Variants in SND1 observed in about 807,000 individuals in gnomAD.
SND1 encodes the protein staphylococcal nuclease and tudor domain containing 1, also known as staphylococcal nuclease domain-containing protein 1.
SND1 carries 38 observed loss-of-function variants against 121.7 expected under a neutral mutation model. The observed-to-expected ratio is 0.31, with a 90% CI of 0.24 to 0.41. The LOEUF (loss-of-function observed/expected upper bound fraction) is 0.41. Among genes scored for constraint, SND1 ranks in the 10% least tolerant of loss-of-function variants. The pLI is 1.00. For synonymous variants in SND1, 401 were observed against 447.4 expected, an observed-to-expected ratio of 0.90 and a Z score of 1.31; for missense variants, 868 against 1,184.6, an observed-to-expected ratio of 0.73 and a Z score of 3.92.
At chr7:127,752,522 C>T (rs973594675) in intron 10 of SND1, among the ~76,000 whole-genome samples, 1 of 152,194 alleles carries the variant, frequency 6.6e-6, no homozygotes, top group Non-Finnish European at 1.5e-5. Flanking sequence ...TTAGGTAGTG[C>T]TCTGTTTCCT....
intron 1 of SND1, among the ~76,000 whole-genome samples, chr7:127,663,656 G>T (rs141821642): frequency 2.6e-5 from 4 of 152,174 alleles, no homozygotes; most frequent in Non-Finnish European, 5.9e-5. Context: ...GATTACAGGC[G>T]TGAGCCACCA....
At chr7:127,680,088 T>G (rs1795690383) in intron 1 of SND1, among the ~76,000 whole-genome samples, 1 of 152,150 alleles carries the variant, frequency 6.6e-6, no homozygotes, top group Non-Finnish European at 1.5e-5. Context: ...ACGTCACATG[T>G]CGGTAGGTTC....
In SND1 at chr7:128,085,979, C is replaced by G. The variant is rs1352556860; in HGVS notation, c.2304+199C>G. On this transcript the variant is annotated intron_variant, in intron 20 of 23. Coordinates refer to ENST00000354725, the MANE Select transcript of SND1 (RefSeq NM_014390.4). The surrounding 1 kb of genome is among the most constrained non-coding windows in gnomAD (Gnocchi z 4.4). ...GGTCTATGACCAGTGGCTGCAAGCACTGATAGGTCCCGCATCCAGACCCCA... is the reference window on the plus strand; with the variant it reads ...GGTCTATGACCAGTGGCTGCAAGCAGTGATAGGTCCCGCATCCAGACCCCA... Among the ~76,000 whole-genome samples the G allele has an allele frequency of 6.6e-6, 1 of 152,204 alleles. No homozygotes were observed. The highest frequency in any genetic ancestry group is 1.9e-4 in the East Asian group (1 of 5,200).
intron 10 of SND1, among the ~76,000 whole-genome samples, chr7:127,776,771 G>A (rs964442540): frequency 2.0e-5 from 3 of 152,142 alleles, no homozygotes; most frequent in Non-Finnish European, 4.4e-5. Context: ...ATAACCAAAG[G>A]TTCAAAGCCC....
chr7:128,007,036 A>G (rs1802996061), intron 16 of SND1, among the ~76,000 whole-genome samples: 1 of 150,540 alleles, frequency 6.6e-6, no homozygotes, highest in Admixed American at 6.6e-5. Context: ...TTTTGTTAGA[A>G]ACCCAGTGTT....
At chr7:127,984,158 T>G (rs1802330436) in intron 15 of SND1, among the ~76,000 whole-genome samples, 1 of 152,240 alleles carries the variant, frequency 6.6e-6, no homozygotes, top group Non-Finnish European at 1.5e-5. Flanking sequence ...GCCACATAAC[T>G]TTCCTAGAAT....
chr7:127,680,474 T>G (rs1213491520), intron 1 of SND1, among the ~76,000 whole-genome samples: 1 of 152,158 alleles, frequency 6.6e-6, no homozygotes. Context: ...GGGGCCATTT[T>G]AGATGCCCAC....
chr7:127,990,117 TTAA>T (rs1802487750), intron 15 of SND1, among the ~76,000 whole-genome samples: 1 of 152,160 alleles, frequency 6.6e-6, no homozygotes, highest in South Asian at 2.1e-4. Context: ...ACAGATAATA[TTAA>T]TAATAGGATA....
At chr7:127,946,241 A>C (rs1801327053) in intron 15 of SND1, among the ~76,000 whole-genome samples, 1 of 152,208 alleles carries the variant, frequency 6.6e-6, no homozygotes, top group South Asian at 2.1e-4. Context: ...AGCATGGCTA[A>C]GACATGTGAT....
intron 10 of SND1, among the ~76,000 whole-genome samples, chr7:127,798,010 G>A (rs1798057149): frequency 6.6e-6 from 1 of 152,076 alleles, no homozygotes. Context: ...ACTCTTAGTT[G>A]GCTAATGTAA....
Position 127,704,915 on chromosome 7 carries a change from G to T in SND1, c.917G>T (p.Arg306Leu), listed in dbSNP as rs771970940. Residue 306 changes from arginine (R) to leucine (L), a missense_variant, in exon 8 of 24, where the codon CGG becomes CTG. Physicochemically the swap from Arg to Leu is moderately radical, Grantham distance 102 (BLOSUM62 -2). Transcript: ENST00000354725. ...CVDWSIAVYT[R>L]GAEKLRAAER... Reference sequence around the variant, plus strand: ...GACTGGTCGATTGCAGTTTACACCCGGGGCGCAGAAAAGCTGAGGGCGGCA... The same window carrying T: ...GACTGGTCGATTGCAGTTTACACCCTGGGCGCAGAAAAGCTGAGGGCGGCA... 1 of 1,613,918 alleles carries T rather than the reference G, an allele frequency of 6.2e-7. No homozygotes were observed. The highest frequency in any genetic ancestry group is 8.5e-7 in the Non-Finnish European group (1 of 1,179,968).
At chr7:127,950,000 T>C (rs1327866565) in intron 15 of SND1, among the ~76,000 whole-genome samples, 1 of 152,236 alleles carries the variant, frequency 6.6e-6, no homozygotes, top group African/African-American at 2.4e-5. Flanking sequence ...ACTTCTTGAT[T>C]TGCCCTTTAG....
intron 11 of SND1, among the ~76,000 whole-genome samples, chr7:127,817,393 TTCTC>T (rs1409402991): frequency 6.6e-6 from 1 of 152,206 alleles, no homozygotes; most frequent in African/African-American, 2.4e-5. Context: ...CCTAACTTCT[TTCTC>T]TGCTTATAGA....
At chr7:127,730,812 A>G (rs1468945736) in intron 10 of SND1, among the ~76,000 whole-genome samples, 1 of 152,158 alleles carries the variant, frequency 6.6e-6, no homozygotes, top group Non-Finnish European at 1.5e-5. Flanking sequence ...TTTACTCATT[A>G]TTCATAGTTT....
intron 16 of SND1, among the ~76,000 whole-genome samples, chr7:128,065,814 C>T (rs970702140): frequency 3.9e-5 from 6 of 152,190 alleles, no homozygotes; most frequent in Admixed American, 2.0e-4. Flanking sequence ...CTGCCCTTCA[C>T]GTCAACTGGG....
chr7:127,922,955 C>T (rs991870049), intron 14 of SND1, among the ~76,000 whole-genome samples: 3 of 152,176 alleles, frequency 2.0e-5, no homozygotes, highest in Admixed American at 1.3e-4. Flanking sequence ...ACCAAGTAAA[C>T]AGTGTGAGAA....
intron 15 of SND1, among the ~76,000 whole-genome samples, chr7:127,929,848 G>A (rs1016722681): frequency 6.6e-6 from 1 of 152,106 alleles, no homozygotes; most frequent in African/African-American, 2.4e-5. Context: ...TTCCCACATC[G>A]ATAGTATTTC....
In SND1 at chr7:128,081,386, C is replaced by G. The variant is rs374608789; in HGVS notation, c.1995C>G (p.Pro665=). 1.2e-6 allele frequency: 2 copies of G among 1,614,014 alleles called. No individual in the cohort carries two copies. The highest frequency in any genetic ancestry group is 2.2e-5 in the East Asian group (1 of 44,890). The change falls in exon 18 of 24, where the codon CCC becomes CCG. Residue 665 remains proline (P), a synonymous_variant. Transcript: ENST00000354725. ...EKVWAHYEEQ[P]VEEVMPVLEE... is the part of the protein sequence containing the mutation. ...TCTGGGCCCACTATGAGGAGCAGCC[C>G]GTGGAGGAGGTGATGCCAGTGCTGG...
At chr7:127,739,153 G>A (rs963191564) in intron 10 of SND1, among the ~76,000 whole-genome samples, 5 of 152,222 alleles carry the variant, frequency 3.3e-5, no homozygotes, top group African/African-American at 1.2e-4. Flanking sequence ...TGATCATTCA[G>A]TGATACTGTG....
Sources: gnomAD v4.1 joint callset for allele counts (sites outside exome capture counted in the v4.1 genomes callset) on GRCh38, gnomAD v4.1.1 for gene constraint, Gnocchi (gnomAD v3.1) non-coding constraint, MANE v1.5 for transcripts, NCBI Gene and HGNC (gene_info 2026-07-23, HGNC 2026-07-21) for gene names.